CDK19: variants seen among roughly 807,000 people sequenced by gnomAD.
CDK19 encodes the protein cyclin-dependent kinase 19.
A neutral mutation model predicts 68.3 loss-of-function variants in CDK19; 20 were observed. The observed-to-expected ratio is 0.29, with a 90% CI of 0.21 to 0.43. The LOEUF (loss-of-function observed/expected upper bound fraction) is 0.43, where lower values mean the gene tolerates loss of function less well. Among genes scored for constraint, CDK19 ranks in the 20% least tolerant of loss-of-function variants. The pLI, the probability that CDK19 is intolerant of heterozygous loss-of-function variation, is 1.00. For missense variants in CDK19, 339 were observed against 623.5 expected (o/e 0.54, Z 4.86); for synonymous variants, 221 against 222.8 (o/e 0.99, Z 0.07).
intron 4 of CDK19, among the ~76,000 whole-genome samples, chr6:110,661,204 C>T (rs9487480): frequency 0.04 from 6,018 of 152,292 alleles, 149 homozygotes; most frequent in South Asian, 0.083. Flanking sequence ...GATCAATGTA[C>T]TGATCTTTCG....
intron 1 of CDK19, among the ~76,000 whole-genome samples, chr6:110,760,860 G>A (rs188421111): frequency 4.3e-4 from 65 of 152,324 alleles, no homozygotes; most frequent in African/African-American, 1.4e-3. Flanking sequence ...AGCTCATTAA[G>A]TGGCGATCCA....
intron 1 of CDK19, among the ~76,000 whole-genome samples, chr6:110,790,299 G>A (rs1182040746): frequency 6.6e-6 from 1 of 152,190 alleles, no homozygotes; most frequent in Non-Finnish European, 1.5e-5. Context: ...ACTTTGGGAG[G>A]CGGAGGCAGG....
chr6:110,715,314 T>C (rs987791437), intron 2 of CDK19, among the ~76,000 whole-genome samples: 3 of 152,188 alleles, frequency 2.0e-5, no homozygotes, highest in East Asian at 3.8e-4. Flanking sequence ...AATAGACTAA[T>C]AGGGTCAAAA....
At chr6:110,679,699 T>A (rs997575305) in intron 2 of CDK19, among the ~76,000 whole-genome samples, 12 of 152,244 alleles carry the variant, frequency 7.9e-5, no homozygotes, top group Non-Finnish European at 1.8e-4. Flanking sequence ...AGTCATAATT[T>A]TACCTTTTTT....
In CDK19 at chr6:110,646,425, C is replaced by T. The variant is rs990280531; in HGVS notation, c.457-7719G>A. ...CTGGCGGGCGGCGACATGGCCTTCCCGCGCCGCAGCTACCCCATGCACCGC... is the reference window on the plus strand; with the variant it reads ...CTGGCGGGCGGCGACATGGCCTTCCTGCGCCGCAGCTACCCCATGCACCGC... On this transcript the variant is annotated intron_variant, in intron 4 of 12. Coordinates refer to ENST00000368911, the MANE Select transcript of CDK19 (RefSeq NM_015076.5). The T allele has an allele frequency of 3.4e-5, 51 of 1,498,606 alleles. No homozygotes were observed. The African/African-American group carries it at 6.1e-4, about 18-fold the overall frequency. The allele number at this position is 1,498,606 out of a possible 1,614,324, so 92.8% of individuals were successfully genotyped here.
chr6:110,644,094 C>T (rs905682706), intron 4 of CDK19, among the ~76,000 whole-genome samples: 2 of 152,000 alleles, frequency 1.3e-5, no homozygotes, highest in African/African-American at 2.4e-5. Context: ...GAGTTTGAGA[C>T]CAGCCTGGCC....
At chr6:110,746,265 C>A in intron 1 of CDK19, 64 bp from the exon 2 acceptor site, 2 of 957,914 alleles carry the variant, frequency 2.1e-6, no homozygotes, top group Non-Finnish European at 1.6e-6. Flanking sequence ...ATTATAACTA[C>A]AAAAACAATG....
intron 2 of CDK19, among the ~76,000 whole-genome samples, chr6:110,693,702 T>C (rs1773232175): frequency 6.6e-6 from 1 of 152,032 alleles, no homozygotes; most frequent in Middle Eastern, 3.2e-3. Flanking sequence ...CATAATCCCA[T>C]TGGCTTAAGA....
At chr6:110,748,535 T>G (rs1485303399) in intron 1 of CDK19, among the ~76,000 whole-genome samples, 2 of 152,224 alleles carry the variant, frequency 1.3e-5, no homozygotes, top group African/African-American at 4.8e-5. Flanking sequence ...CTATTTCTCT[T>G]TGTAAACTAA....
intron 2 of CDK19, among the ~76,000 whole-genome samples, chr6:110,696,222 C>A (rs1316690075): frequency 5.3e-5 from 8 of 152,058 alleles, no homozygotes. Flanking sequence ...TGATACATCA[C>A]ATAATCATAG....
intron 2 of CDK19, among the ~76,000 whole-genome samples, chr6:110,737,011 C>G (rs1411878215): frequency 6.6e-6 from 1 of 152,168 alleles, no homozygotes; most frequent in East Asian, 1.9e-4. Flanking sequence ...TACTGATGTA[C>G]TCAGTAGGGA....
chr6:110,643,894 T>C (rs931107598), intron 4 of CDK19, among the ~76,000 whole-genome samples: 2 of 152,028 alleles, frequency 1.3e-5, no homozygotes, highest in African/African-American at 4.8e-5. Flanking sequence ...CTGGGCAACA[T>C]AGTGAGACCC....
chr6:110,806,340 C>A (rs376191887), intron 1 of CDK19, among the ~76,000 whole-genome samples: 22 of 141,878 alleles, frequency 1.6e-4, no homozygotes, highest in East Asian at 2.1e-4. Flanking sequence ...AACTCCATCT[C>A]AAAAAAAAAA....
At chr6:110,684,249 TAAA>T (rs1024733848) in intron 2 of CDK19, among the ~76,000 whole-genome samples, 2 of 152,106 alleles carry the variant, frequency 1.3e-5, no homozygotes, top group Non-Finnish European at 2.9e-5. Context: ...CCTTGACAGT[TAAA>T]CAAAATGAAA....
Position 110,658,487 on chromosome 6 carries a change from A to T in CDK19, c.456+8947T>A, listed in dbSNP as rs1781434682. ...TTAACTGATAAATCAAATAAAAATA[A>T]CAAATAATTAAGTCATTTGACTAGC... On this transcript the variant is annotated intron_variant, in intron 4 of 12. Coordinates refer to ENST00000368911, the MANE Select transcript of CDK19 (RefSeq NM_015076.5). Among the ~76,000 whole-genome samples, 2 of 152,336 alleles carry T rather than the reference A, an allele frequency of 1.3e-5. 1 individual carries two copies. The highest frequency in any genetic ancestry group is 4.1e-4 in the South Asian group (2 of 4,834).
At chr6:110,698,396 T>A (rs1261213499) in intron 2 of CDK19, among the ~76,000 whole-genome samples, 2 of 151,178 alleles carry the variant, frequency 1.3e-5, no homozygotes, top group African/African-American at 4.9e-5. Flanking sequence ...TCAATAAATA[T>A]ATGAAAAAAA....
intron 6 of CDK19, among the ~76,000 whole-genome samples, chr6:110,629,230 A>T (rs995970391): frequency 6.6e-6 from 1 of 152,200 alleles, no homozygotes; most frequent in African/African-American, 2.4e-5. Flanking sequence ...GTGGCAGTAC[A>T]TTCAAAGGTT....
In CDK19 at chr6:110,646,413, A is replaced by ACATG. The variant is rs936067066; in HGVS notation, c.457-7711_457-7708dup. On this transcript the variant is annotated intron_variant, in intron 4 of 12. Transcript: ENST00000368911. Reference sequence around the variant, plus strand: ...CCCATGGGGCTGCTGGCGGGCGGCGACATGGCCTTCCCGCGCCGCAGCTAC... The same window carrying ACATG: ...CCCATGGGGCTGCTGGCGGGCGGCGACATGCATGGCCTTCCCGCGCCGCAGCTAC... 3.2e-5 allele frequency: 48 copies of ACATG among 1,489,574 alleles called. No homozygotes were observed. The African/African-American group carries it at 5.7e-4, about 18-fold the overall frequency. 92.3% of individuals were successfully genotyped at this position (1,489,574 alleles called of 1,614,324 possible).
At chr6:110,661,194 G>A (rs1781595808) in intron 4 of CDK19, among the ~76,000 whole-genome samples, 1 of 152,158 alleles carries the variant, frequency 6.6e-6, no homozygotes, top group South Asian at 2.1e-4. Flanking sequence ...ACTTACAATG[G>A]ATCAATGTAC....
Sources: allele counts gnomAD v4.1 joint callset (sites outside exome capture counted in the v4.1 genomes callset), GRCh38; gene constraint gnomAD v4.1.1; transcripts MANE v1.5; gene names NCBI Gene and HGNC (gene_info 2026-07-23, HGNC 2026-07-21).